GRIK2: variants seen among roughly 807,000 people sequenced by gnomAD.
GRIK2 encodes glutamate ionotropic receptor kainate type subunit 2.
In GRIK2, 32 loss-of-function variants were observed where a neutral mutation model predicts 100.3. The observed-to-expected ratio is 0.32, with a 90% CI of 0.24 to 0.43. The LOEUF (loss-of-function observed/expected upper bound fraction) is 0.43. Ranked by LOEUF, GRIK2 falls within the 20% of genes least tolerant of loss-of-function variation. The pLI is 1.00. For missense variants in GRIK2, 843 were observed against 1,114.9 expected (o/e 0.76, Z 3.47); for synonymous variants, 417 against 389.4 (o/e 1.07, Z -0.83).
intron 14 of GRIK2, among the ~76,000 whole-genome samples, chr6:101,934,456 G>A (rs560580603): frequency 6.6e-6 from 1 of 151,954 alleles, no homozygotes; most frequent in East Asian, 1.9e-4. Flanking sequence ...GTATATGATA[G>A]TATATGGTGG....
intron 12 of GRIK2, among the ~76,000 whole-genome samples, chr6:101,923,631 GC>G (rs1263585408): frequency 6.6e-6 from 1 of 152,070 alleles, no homozygotes; most frequent in Non-Finnish European, 1.5e-5. Context: ...TTCTAAAACT[GC>G]TTTGATGGCT....
At chr6:102,057,055 ACTAAAT>A (rs1183427113) in intron 16 of GRIK2, among the ~76,000 whole-genome samples, 9 of 151,998 alleles carry the variant, frequency 5.9e-5, no homozygotes, top group Admixed American at 6.6e-5. Flanking sequence ...GAACTTTGAA[ACTAAAT>A]CTAAAGAGCT....
At chr6:101,523,569 A>G (rs1275029608) in intron 2 of GRIK2, among the ~76,000 whole-genome samples, 1 of 152,180 alleles carries the variant, frequency 6.6e-6, no homozygotes, top group Non-Finnish European at 1.5e-5. Context: ...CACATTGAAA[A>G]GGGCAGAAGA....
chr6:101,709,673 C>A (rs1432236079), intron 7 of GRIK2, among the ~76,000 whole-genome samples: 13 of 151,796 alleles, frequency 8.6e-5, no homozygotes, highest in Admixed American at 8.6e-4. Flanking sequence ...GGAAAAGAAT[C>A]TTCCATTAAA....
At chr6:101,852,890 ACCT>A (rs1203847830) in intron 10 of GRIK2, among the ~76,000 whole-genome samples, 1 of 152,074 alleles carries the variant, frequency 6.6e-6, no homozygotes, top group African/African-American at 2.4e-5. Context: ...GGGTATGATA[ACCT>A]CTTGGGTGGA....
At chr6:101,675,418 G>A (rs1296153647) in intron 4 of GRIK2, among the ~76,000 whole-genome samples, 2 of 152,020 alleles carry the variant, frequency 1.3e-5, no homozygotes, top group African/African-American at 2.4e-5. Context: ...ATTGATGAAG[G>A]TAGTTTTTCA....
At chr6:101,791,494 C>T (rs1409003930) in intron 7 of GRIK2, among the ~76,000 whole-genome samples, 4 of 152,166 alleles carry the variant, frequency 2.6e-5, no homozygotes, top group Non-Finnish European at 5.9e-5. Flanking sequence ...GCAGGTTGTT[C>T]AGTTTCCATG....
At chr6:101,917,197 C>T (rs867569611) in intron 12 of GRIK2, among the ~76,000 whole-genome samples, 1 of 151,638 alleles carries the variant, frequency 6.6e-6, no homozygotes. Context: ...ACCCTAGCAA[C>T]TCTCAGTCCA....
chr6:101,581,204 G>T (rs539231006), intron 2 of GRIK2, among the ~76,000 whole-genome samples: 1 of 146,700 alleles, frequency 6.8e-6, no homozygotes, highest in African/African-American at 2.6e-5. Flanking sequence ...ATATATATAC[G>T]CATATATATA....
intron 7 of GRIK2, among the ~76,000 whole-genome samples, chr6:101,771,548 T>C (rs1014440348): frequency 6.6e-6 from 1 of 151,646 alleles, no homozygotes; most frequent in African/African-American, 2.4e-5. Flanking sequence ...TTATTATTAT[T>C]ATACTTTAAG....
intron 7 of GRIK2, among the ~76,000 whole-genome samples, chr6:101,775,588 T>C (rs553547386): frequency 1.1e-3 from 169 of 151,354 alleles, no homozygotes; most frequent in African/African-American, 3.9e-3. Flanking sequence ...CTGTATAGTT[T>C]ATTTATAATA....
At position 101,760,602 on chromosome 6, in the gene GRIK2, A is replaced by ATT. The variant is rs1161644812; in HGVS notation, c.952-39045_952-39044insTT. Reference sequence around the variant, plus strand: ...ATTATATATAATTATATATAATTATATATAATTATATTTAATTATATGTTT... The same window carrying ATT: ...ATTATATATAATTATATATAATTATATTTATAATTATATTTAATTATATGTTT... On this transcript the variant is annotated intron_variant, in intron 7 of 16. Coordinates refer to ENST00000369134, the MANE Select transcript of GRIK2 (RefSeq NM_021956.5). Among the ~76,000 whole-genome samples, 21 of 61,084 alleles carry ATT rather than the reference A, an allele frequency of 3.4e-4. 4 individuals carry two copies. Among genetic ancestry groups the ATT allele is most frequent in the African/African-American group, 2.4e-3 (19 of 7,818 alleles). 40.1% of individuals were successfully genotyped at this position (61,084 alleles called of 152,430 possible).
At chr6:101,953,614 A>G (rs1791733497) in intron 14 of GRIK2, among the ~76,000 whole-genome samples, 2 of 152,272 alleles carry the variant, frequency 1.3e-5, no homozygotes, top group South Asian at 4.1e-4. Flanking sequence ...TTGTCTTTTT[A>G]TCATTGAATT....
intron 2 of GRIK2, chr6:101,431,604 G>T (rs1180314192): frequency 6.6e-6 from 1 of 152,160 alleles, no homozygotes; most frequent in Non-Finnish European, 1.5e-5. Context: ...TGATGTGTGT[G>T]TGTTTGGTGT....
At chr6:101,828,220 T>A (rs1782459142) in intron 10 of GRIK2, among the ~76,000 whole-genome samples, 1 of 151,848 alleles carries the variant, frequency 6.6e-6, no homozygotes, top group African/African-American at 2.4e-5. Context: ...TTTAAAGAAA[T>A]CTTTGAAATC....
At chr6:101,651,370 T>C (rs1382896868) in intron 4 of GRIK2, among the ~76,000 whole-genome samples, 1 of 152,154 alleles carries the variant, frequency 6.6e-6, no homozygotes, top group Non-Finnish European at 1.5e-5. Flanking sequence ...TTTGAGCTCT[T>C]ACCATGTGTT....
In GRIK2 at chr6:101,474,984, C is replaced by A. The variant is rs1772153282; in HGVS notation, c.115+75592C>A. 2.0e-5 allele frequency among the ~76,000 whole-genome samples: 3 copies of A among 151,678 alleles called. No homozygotes were observed. In the South Asian group the frequency reaches 6.2e-4, roughly 32 times the overall value. ...ATTTTTCTTCTTCCCATAGTCCCAT[C>A]CAACCAAACACTTGAGTGCTTCATT... is the stretch of plus-strand genomic sequence containing the variant. On this transcript the variant is annotated intron_variant, in intron 2 of 16. Transcript: ENST00000369134.
intron 7 of GRIK2, among the ~76,000 whole-genome samples, chr6:101,750,786 AG>A (rs1243029857): frequency 6.6e-6 from 1 of 152,214 alleles, no homozygotes; most frequent in Non-Finnish European, 1.5e-5. Flanking sequence ...GATTAGCTGC[AG>A]TTGGACAGGA....
intron 11 of GRIK2, among the ~76,000 whole-genome samples, chr6:101,874,456 A>G (rs1280470967): frequency 1.3e-5 from 2 of 152,002 alleles, no homozygotes; most frequent in African/African-American, 4.8e-5. Context: ...ATTGGTCTAT[A>G]TCTCTGTTTT....
Sources: gnomAD v4.1 joint callset for allele counts (sites outside exome capture counted in the v4.1 genomes callset) on GRCh38, gnomAD v4.1.1 for gene constraint, MANE v1.5 for transcripts, NCBI Gene and HGNC (gene_info 2026-07-23, HGNC 2026-07-21) for gene names.